AFAP1L2: variants seen among roughly 807,000 people sequenced by gnomAD.
The protein encoded by AFAP1L2 is actin filament-associated protein 1-like 2.
In AFAP1L2, 46 loss-of-function variants were observed where a neutral mutation model predicts 99.3. The ratio of observed to expected loss-of-function variants is 0.46; its 90% confidence interval spans 0.37 to 0.59. The LOEUF (loss-of-function observed/expected upper bound fraction) is 0.59, where lower values mean the gene tolerates loss of function less well. AFAP1L2 is among the 20% of genes least tolerant of loss of function. AFAP1L2 has a pLI of 0.00. For missense variants in AFAP1L2, 959 were observed against 1,034.9 expected (o/e 0.93, Z 1.01); for synonymous variants, 397 against 419.1 (o/e 0.95, Z 0.64).
chr10:114,302,262 CT>C, intron 12 of AFAP1L2, 76 bp downstream of exon 12: 1 of 1,593,044 alleles, frequency 6.3e-7, no homozygotes, highest in Non-Finnish European at 8.6e-7. Flanking sequence ...CCTGCTGCCC[CT>C]GACTCTGGCT....
chr10:114,328,371 A>C (rs2046716515), intron 4 of AFAP1L2, among the ~76,000 whole-genome samples: 1 of 152,212 alleles, frequency 6.6e-6, no homozygotes, highest in Admixed American at 6.5e-5. Flanking sequence ...GTGCTGCTGC[A>C]GGTGCCGGTG....
intron 1 of AFAP1L2, among the ~76,000 whole-genome samples, chr10:114,400,793 A>C (rs1481791706): frequency 2.0e-5 from 3 of 152,166 alleles, no homozygotes; most frequent in South Asian, 4.1e-4. Flanking sequence ...TGTACCCTAG[A>C]CCAATTAAAT....
chr10:114,291,327 T>C (rs962380763), downstream of AFAP1L2: 190 of 1,417,948 alleles, frequency 1.3e-4, no homozygotes, highest in Admixed American at 5.1e-4. Context: ...GCCTACCTTC[T>C]GGAATGTCTG....
chr10:114,304,191 C>T (rs953893962), intron 11 of AFAP1L2, among the ~76,000 whole-genome samples: 3 of 152,174 alleles, frequency 2.0e-5, no homozygotes, highest in Non-Finnish European at 4.4e-5. Flanking sequence ...CATTCACGGG[C>T]AAGTGTGTGC....
chr10:114,320,358 G>A (rs573375558), intron 5 of AFAP1L2, among the ~76,000 whole-genome samples: 27 of 152,200 alleles, frequency 1.8e-4, no homozygotes, highest in Non-Finnish European at 3.8e-4. Context: ...TCAGCAAATC[G>A]CTATGGCCGC....
chr10:114,333,360 A>T (rs377343106), intron 2 of AFAP1L2, 65 bp from the exon 3 acceptor site: 36 of 1,302,214 alleles, frequency 2.8e-5, no homozygotes, highest in Non-Finnish European at 4.0e-5. Context: ...CCAGCTAGAA[A>T]CCCTGTTACT....
At chr10:114,362,167 G>A (rs1418511427) in intron 1 of AFAP1L2, among the ~76,000 whole-genome samples, 1 of 152,062 alleles carries the variant, frequency 6.6e-6, no homozygotes, top group Non-Finnish European at 1.5e-5. Context: ...GTTGGTATGG[G>A]AATTAAATGC....
chr10:114,402,912 C>G (rs1302527490), intron 1 of AFAP1L2, among the ~76,000 whole-genome samples: 1 of 152,220 alleles, frequency 6.6e-6, no homozygotes, highest in African/African-American at 2.4e-5. Context: ...GAGGCCAACA[C>G]TTCCTGTCAG....
Position 114,303,056 on chromosome 10 carries a change from AT to A in AFAP1L2, c.1285-573del, listed in dbSNP as rs144529481. On this transcript the variant is annotated intron_variant, in intron 11 of 18. Coordinates refer to ENST00000304129, the MANE Select transcript of AFAP1L2 (RefSeq NM_001001936.3). ...TCATCAAAATCCCAGTGAATTTGGT[AT>A]TTTTTTTTCCAGGGGACAATGCATT... is the stretch of plus-strand genomic sequence containing the variant. Among the ~76,000 whole-genome samples, 8 of 151,598 alleles carry A rather than the reference AT, an allele frequency of 5.3e-5. No homozygotes were observed. In the South Asian group the frequency reaches 8.4e-4, roughly 16 times the overall value.
chr10:114,290,099 C>A, downstream of AFAP1L2: 1 of 1,131,190 alleles, frequency 8.8e-7, no homozygotes, highest in Non-Finnish European at 1.2e-6. Flanking sequence ...AAGTGGTATG[C>A]AGCACCAACC....
intron 7 of AFAP1L2, among the ~76,000 whole-genome samples, chr10:114,310,761 G>A (rs2043110428): frequency 6.6e-6 from 1 of 152,040 alleles, no homozygotes; most frequent in Non-Finnish European, 1.5e-5. Context: ...GGCTCCGCGA[G>A]CCCCTTTCCT....
intron 1 of AFAP1L2, among the ~76,000 whole-genome samples, chr10:114,383,320 G>A (rs2055972720): frequency 6.6e-6 from 1 of 152,022 alleles, no homozygotes; most frequent in Non-Finnish European, 1.5e-5. Flanking sequence ...AACAGGGACA[G>A]GAGGGGAGGA....
At chr10:114,304,140 G>A (rs2041717606) in intron 11 of AFAP1L2, among the ~76,000 whole-genome samples, 1 of 152,198 alleles carries the variant, frequency 6.6e-6, no homozygotes, top group African/African-American at 2.4e-5. Context: ...TTGGAGCAAA[G>A]TTTGGATGAG....
intron 1 of AFAP1L2, among the ~76,000 whole-genome samples, chr10:114,394,505 G>A (rs2057484853): frequency 6.6e-6 from 1 of 152,192 alleles, no homozygotes; most frequent in Admixed American, 6.5e-5. Context: ...TTCTCAGTGG[G>A]AATCCCTTCT....
At chr10:114,284,082 T>G in the AFAP1L2 span, among the ~76,000 whole-genome samples, 1 of 152,228 alleles carries the variant, frequency 6.6e-6, no homozygotes, top group Non-Finnish European at 1.5e-5. Context: ...TTTGTAATAA[T>G]TGATAAGGAA....
At position 114,302,482 on chromosome 10, in the gene AFAP1L2, G is replaced by A. The variant is rs1223704395; in HGVS notation, c.1287C>T (p.Ala429=). The change falls in exon 12 of 19, where the codon GCC becomes GCT. Residue 429 remains alanine, a splice_region_variant and synonymous_variant. Transcript: ENST00000304129. ...HKGEELAKLE[A]KSSEEMGHWL... Reference sequence around the variant, plus strand: ...AGTGGCCCATTTCCTCGGAAGACTTGGCCTGGAACGAGGCCAAGAGAGACA... The same window carrying A: ...AGTGGCCCATTTCCTCGGAAGACTTAGCCTGGAACGAGGCCAAGAGAGACA... The A allele has an allele frequency of 9.9e-6, 16 of 1,613,912 alleles. No individual in the cohort carries two copies. The highest frequency in any genetic ancestry group is 1.3e-5 in the African/African-American group (1 of 74,994).
chr10:114,383,879 G>C (rs765311502), intron 1 of AFAP1L2, among the ~76,000 whole-genome samples: 17 of 152,156 alleles, frequency 1.1e-4, no homozygotes, highest in Non-Finnish European at 1.6e-4. Flanking sequence ...GCTGACAGAG[G>C]CTCTCCCCGT....
intron 1 of AFAP1L2, among the ~76,000 whole-genome samples, chr10:114,342,839 C>T (rs530839603): frequency 3.3e-5 from 5 of 152,226 alleles, no homozygotes; most frequent in Non-Finnish European, 7.3e-5. Flanking sequence ...CTGAGACATC[C>T]TCTCACAGCT....
intron 5 of AFAP1L2, 80 bp downstream of exon 5, chr10:114,323,091 T>C: frequency 7.7e-7 from 1 of 1,305,730 alleles, no homozygotes; most frequent in South Asian, 1.3e-5. Context: ...AGTGTATCTG[T>C]TACCCCCAGG....
Sources: allele counts gnomAD v4.1 joint callset (sites outside exome capture counted in the v4.1 genomes callset), GRCh38; gene constraint gnomAD v4.1.1; transcripts MANE v1.5; gene names NCBI Gene and HGNC (gene_info 2026-07-23, HGNC 2026-07-21).